Variants in POU2AF2 observed in about 807,000 individuals in gnomAD.
POU2AF2 encodes POU class 2 homeobox associating factor 2.
chr11:111,280,861 G>C, the POU2AF2 span, among the ~76,000 whole-genome samples: 2 of 152,224 alleles, frequency 1.3e-5, no homozygotes, highest in African/African-American at 4.8e-5. Flanking sequence ...TGTGAAGAAG[G>C]CGAAAGAAAT....
At chr11:111,256,701 G>A in the POU2AF2 span, among the ~76,000 whole-genome samples, 2 of 152,216 alleles carry the variant, frequency 1.3e-5, no homozygotes, top group South Asian at 2.1e-4. Flanking sequence ...CAGCAGGCGC[G>A]CCAGGAGCTC....
chr11:111,254,619 C>T, the POU2AF2 span, among the ~76,000 whole-genome samples: 1 of 152,172 alleles, frequency 6.6e-6, no homozygotes, highest in Non-Finnish European at 1.5e-5. Context: ...TACCAGCAAC[C>T]TCTTTTCTCC....
chr11:111,260,449 T>A, the POU2AF2 span, among the ~76,000 whole-genome samples: 2 of 152,204 alleles, frequency 1.3e-5, no homozygotes, highest in African/African-American at 4.8e-5. Flanking sequence ...GGCCCTTACC[T>A]GGCATTATTT....
chr11:111,265,424 A>G, the POU2AF2 span, among the ~76,000 whole-genome samples: 1 of 152,098 alleles, frequency 6.6e-6, no homozygotes, highest in Non-Finnish European at 1.5e-5. Context: ...AGTGTGGTAA[A>G]GTGATTAAGT....
chr11:111,268,423 A>G, the POU2AF2 span, among the ~76,000 whole-genome samples: 2 of 151,812 alleles, frequency 1.3e-5, no homozygotes, highest in South Asian at 4.2e-4. Context: ...GGCACAGCAA[A>G]TGGGCATCAG....
chr11:111,270,802 C>A, the POU2AF2 span, among the ~76,000 whole-genome samples: 3 of 152,110 alleles, frequency 2.0e-5, no homozygotes, highest in Admixed American at 6.5e-5. Context: ...GGGAGAGTAT[C>A]AGCCCTTGTT....
At chr11:111,251,529 A>G in the POU2AF2 span, among the ~76,000 whole-genome samples, 2 of 152,166 alleles carry the variant, frequency 1.3e-5, no homozygotes. Flanking sequence ...ATTTAAATCT[A>G]GTATCTCCAA....
chr11:111,245,805 A>G, the POU2AF2 span: 1 of 398,860 alleles, frequency 2.5e-6, no homozygotes, highest in African/African-American at 2.1e-5. Flanking sequence ...ACCATTCACA[A>G]GAAATTCTGC....
the POU2AF2 span, among the ~76,000 whole-genome samples, chr11:111,249,449 T>C: frequency 6.6e-6 from 1 of 152,192 alleles, no homozygotes; most frequent in East Asian, 1.9e-4. Flanking sequence ...AATTCACCTT[T>C]TGTGCTGTTG....
chr11:111,269,727 G>T, the POU2AF2 span, among the ~76,000 whole-genome samples: 1 of 152,034 alleles, frequency 6.6e-6, no homozygotes, highest in South Asian at 2.1e-4. Context: ...CATTCCAAAG[G>T]CATGCCAAGA....
the POU2AF2 span, among the ~76,000 whole-genome samples, chr11:111,266,355 C>G: frequency 2.0e-5 from 3 of 152,104 alleles, no homozygotes. Context: ...CGTGTCCCAC[C>G]CACTGGCACC....
chr11:111,281,277 C>A, the POU2AF2 span: 2 of 733,904 alleles, frequency 2.7e-6, no homozygotes, highest in East Asian at 2.9e-5. Context: ...TGAGGGTCAA[C>A]CCAACTCCCC....
the POU2AF2 span, among the ~76,000 whole-genome samples, chr11:111,257,286 T>C: frequency 6.6e-6 from 1 of 152,138 alleles, no homozygotes. Context: ...AAAATCAAAC[T>C]CCTGAGACAT....
At chr11:111,276,453 A>AAAAAAAATATATATATATATAT in the POU2AF2 span, among the ~76,000 whole-genome samples, 2 of 37,674 alleles carry the variant, frequency 5.3e-5, no homozygotes, top group Non-Finnish European at 1.0e-4. Context: ...AAAAAAAAAA[A>AAAAAAAATATATATATATATAT]ATATATATAT....
At chr11:111,255,236 T>C in the POU2AF2 span, among the ~76,000 whole-genome samples, 1 of 152,210 alleles carries the variant, frequency 6.6e-6, no homozygotes, top group African/African-American at 2.4e-5. Context: ...TATAAGTAGC[T>C]GTGAGACCTT....
At chr11:111,277,730 G>C in the POU2AF2 span, among the ~76,000 whole-genome samples, 1 of 152,216 alleles carries the variant, frequency 6.6e-6, no homozygotes, top group Admixed American at 6.5e-5. Flanking sequence ...GAGAAGGTGG[G>C]AGAAGAACAA....
At chr11:111,258,085 T>G in the POU2AF2 span, among the ~76,000 whole-genome samples, 1 of 151,226 alleles carries the variant, frequency 6.6e-6, no homozygotes, top group Non-Finnish European at 1.5e-5. Context: ...GACACTGCGC[T>G]CCAGCCTGGG....
chr11:111,280,053 A>ATATATATAT, the POU2AF2 span, among the ~76,000 whole-genome samples: 1 of 61,872 alleles, frequency 1.6e-5, no homozygotes, highest in South Asian at 7.5e-4. Context: ...AAAAAAAAAA[A>ATATATATAT]AAAAATATAT....
chr11:111,280,575 C>G, the POU2AF2 span, among the ~76,000 whole-genome samples: 1 of 152,330 alleles, frequency 6.6e-6, no homozygotes, highest in South Asian at 2.1e-4. Flanking sequence ...ACACTGTCTA[C>G]ACCACCTGCC....
Sources: gnomAD v4.1 joint callset for allele counts (sites outside exome capture counted in the v4.1 genomes callset) on GRCh38, gnomAD v4.1.1 for gene constraint, MANE v1.5 for transcripts, NCBI Gene and HGNC (gene_info 2026-07-23, HGNC 2026-07-21) for gene names.